The following PDE1B variants were observed in gnomAD, a reference collection of about 807,000 sequenced individuals.
The protein encoded by PDE1B is dual specificity calcium/calmodulin-dependent 3',5'-cyclic nucleotide phosphodiesterase 1B.
In PDE1B, 13 loss-of-function variants were observed where a neutral mutation model predicts 66.7. The ratio of observed to expected loss-of-function variants is 0.19; its 90% CI spans 0.13 to 0.31. The LOEUF (loss-of-function observed/expected upper bound fraction) is 0.31. PDE1B is among the 10% of genes least tolerant of loss of function. The pLI is 1.00. For missense variants in PDE1B, 485 were observed against 682.3 expected (o/e 0.71, Z 3.22); for synonymous variants, 230 against 253.9 (o/e 0.91, Z 0.90).
chr12:54,574,340 A>G (rs1957688118), intron 10 of PDE1B: 1 of 153,890 alleles, frequency 6.5e-6, no homozygotes, highest in South Asian at 2.0e-4. Context: ...GGGTATAATA[A>G]TAATTATTAC....
chr12:54,575,587 C>T lies in PDE1B; in HGVS notation c.1222C>T (p.Pro408Ser). The change falls in exon 12 of 16, where the codon CCA becomes TCA. Residue 408 changes from proline to serine, a missense_variant. This residue lies in a region of PDE1B where 282 missense variants were observed against 453.4 expected (regional missense o/e 0.62). Coordinates refer to ENST00000243052, the MANE Select transcript of PDE1B (RefSeq NM_000924.4). This position sits in a 1 kb window ranked among gnomAD's most constrained non-coding sequence, Gnocchi z 4.0. ...KEAELGLPFS[P>S]LCDRTSTLVA... ...GGCAGAGTTGGGCCTGCCCTTTTCT[C>T]CACTCTGTGACCGCACTTCCACTCT... The T allele has an allele frequency of 6.2e-7, 1 of 1,613,510 alleles. No individual in the cohort carries two copies. The highest frequency in any genetic ancestry group is 1.3e-5 in the African/African-American group (1 of 74,970).
intron 2 of PDE1B, 175 bp downstream of exon 2, chr12:54,550,160 G>C: frequency 7.0e-7 from 1 of 1,426,236 alleles, no homozygotes; most frequent in Non-Finnish European, 9.2e-7. Flanking sequence ...TGCAAGGCAT[G>C]TGCGGAGCAA....
At chr12:54,559,810 G>C (rs989198409) in intron 2 of PDE1B, among the ~76,000 whole-genome samples, 1 of 152,164 alleles carries the variant, frequency 6.6e-6, no homozygotes, top group Non-Finnish European at 1.5e-5. Context: ...GGTACAAGAC[G>C]AGGCAGGGAA....
In PDE1B at chr12:54,549,752, G is replaced by T. The variant is rs937195201; in HGVS notation, c.-34G>T. The T allele has an allele frequency of 1.7e-5, 12 of 723,790 alleles. No individual in the cohort carries two copies. Among genetic ancestry groups the T allele is most frequent in the South Asian group, 1.4e-4 (8 of 58,854 alleles). 44.8% of individuals were successfully genotyped at this position (723,790 alleles called of 1,614,324 possible). On this transcript the variant is annotated 5_prime_UTR_variant, in exon 1 of 16. Transcript: ENST00000243052. ...GGCCGAGCCTAGAGACACCGGCCTG[G>T]CTGGTCCACGCCAGCCGCAGGTGGG...
At chr12:54,560,438 C>T (rs1565694011) in intron 2 of PDE1B, among the ~76,000 whole-genome samples, 2 of 152,180 alleles carry the variant, frequency 1.3e-5, no homozygotes, top group Non-Finnish European at 2.9e-5. Flanking sequence ...AGCCATAGAC[C>T]TACATCTAAG....
At chr12:54,558,983 C>G (rs2121053736) in intron 2 of PDE1B, among the ~76,000 whole-genome samples, 1 of 152,300 alleles carries the variant, frequency 6.6e-6, no homozygotes, top group Admixed American at 6.5e-5. Flanking sequence ...GACCAGGAAA[C>G]TGAAGCTCAG....
At chr12:54,561,761 CGTGTGTGT>C (rs3036634) in intron 2 of PDE1B, 60 of 440,240 alleles carry the variant, frequency 1.4e-4, no homozygotes, top group Non-Finnish European at 1.9e-4. Context: ...ATGTTTTGTG[CGTGTGTGT>C]GTGTGTGTGT....
At position 54,569,632 on chromosome 12, in the gene PDE1B, G is replaced by A. The variant is rs773972222; in HGVS notation, c.477+20G>A. On this transcript the variant is annotated intron_variant, in intron 5 of 15. Coordinates refer to ENST00000243052, the MANE Select transcript of PDE1B (RefSeq NM_000924.4). This position sits in a 1 kb window ranked among gnomAD's most constrained non-coding sequence, Gnocchi z 4.4. ...CTCAAGGTAATCTCTGGGTTTTTGGGAAAGAGGAGAAAGTTAGGGGATGGA... is the reference window on the plus strand; with the variant it reads ...CTCAAGGTAATCTCTGGGTTTTTGGAAAAGAGGAGAAAGTTAGGGGATGGA... 2 of 1,563,004 alleles carry A rather than the reference G, an allele frequency of 1.3e-6. No homozygotes were observed. The highest frequency in any genetic ancestry group is 1.7e-5 in the Admixed American group (1 of 59,924).
intron 2 of PDE1B, among the ~76,000 whole-genome samples, chr12:54,558,958 T>C (rs10876566): frequency 0.62 from 94,154 of 152,046 alleles, 30,262 homozygotes; most frequent in Non-Finnish European, 0.71. Context: ...GCATGTATTA[T>C]TTACCCATTT....
At chr12:54,570,496 C>T (rs1306053963) in intron 6 of PDE1B, 139 bp downstream of exon 6, 1 of 649,018 alleles carries the variant, frequency 1.5e-6, no homozygotes, top group Non-Finnish European at 2.8e-6. Flanking sequence ...ATGCCCACGC[C>T]CAGCCTAGCC....
rs547073325 is a variant in PDE1B at position 54,568,148 on chromosome 12, C to T, written c.228-1036C>T. ...TGGGGATTACAGGCGTGAGCTACCGCGCCCAGCCGATATCTCATTAATATA... is the reference window on the plus strand; with the variant it reads ...TGGGGATTACAGGCGTGAGCTACCGTGCCCAGCCGATATCTCATTAATATA... On this transcript the variant is annotated intron_variant, in intron 3 of 15. Transcript: ENST00000243052. Among the ~76,000 whole-genome samples the T allele has an allele frequency of 4.6e-5, 7 of 152,246 alleles. No homozygotes were observed. In the East Asian group the frequency reaches 7.7e-4, roughly 17 times the overall value.
intron 2 of PDE1B, among the ~76,000 whole-genome samples, chr12:54,559,719 C>G (rs1174930245): frequency 2.6e-5 from 4 of 152,166 alleles, no homozygotes; most frequent in Non-Finnish European, 5.9e-5. Flanking sequence ...CGAGGCTTTT[C>G]TAGTCTAAGA....
In PDE1B at chr12:54,569,100, T is replaced by C; in HGVS notation, c.228-84T>C. 3 of 1,490,322 alleles carry C rather than the reference T, an allele frequency of 2.0e-6. No individual in the cohort carries two copies. Among genetic ancestry groups the C allele is most frequent in the African/African-American group, 1.4e-5 (1 of 71,134 alleles). 92.3% of individuals were successfully genotyped at this position (1,490,322 alleles called of 1,614,324 possible). ...GAGAGCTGGCATGAGAGTTACTAAA[T>C]GTGGGGTATGGCTGGGTACAGGGTC... On this transcript the variant is annotated intron_variant, in intron 3 of 15. Transcript: ENST00000243052. This position sits in a 1 kb window ranked among gnomAD's most constrained non-coding sequence, Gnocchi z 4.4.
chr12:54,568,988 C>G (rs892898027), intron 3 of PDE1B, 196 bp from the exon 4 acceptor site: 1 of 900,596 alleles, frequency 1.1e-6, no homozygotes, highest in Non-Finnish European at 1.6e-6. Flanking sequence ...TGCTCACTAC[C>G]TCACATGGAG....
rs1189712713 is a variant in PDE1B at position 54,569,949 on chromosome 12, C to A, written c.478-292C>A. Among the ~76,000 whole-genome samples, 2 of 152,170 alleles carry A rather than the reference C, an allele frequency of 1.3e-5. No individual in the cohort carries two copies. The highest frequency in any genetic ancestry group is 3.8e-4 in the East Asian group (2 of 5,198). ...TCTTGACCTCAAGTGTTCTGCCCACCTCGGTCTCCCAAAGTATTGGGATTA... is the reference window on the plus strand; with the variant it reads ...TCTTGACCTCAAGTGTTCTGCCCACATCGGTCTCCCAAAGTATTGGGATTA... On this transcript the variant is annotated intron_variant, in intron 5 of 15. Coordinates refer to ENST00000243052, the MANE Select transcript of PDE1B (RefSeq NM_000924.4). This position sits in a 1 kb window ranked among gnomAD's most constrained non-coding sequence, Gnocchi z 4.4.
At chr12:54,556,836 C>T (rs540340875) in intron 2 of PDE1B, among the ~76,000 whole-genome samples, 5 of 125,062 alleles carry the variant, frequency 4.0e-5, no homozygotes, top group Non-Finnish European at 6.3e-5. Flanking sequence ...GTGTTGGCAC[C>T]ATTTAGGTTG....
At chr12:54,555,760 C>T (rs1957334414) in intron 2 of PDE1B, among the ~76,000 whole-genome samples, 1 of 152,184 alleles carries the variant, frequency 6.6e-6, no homozygotes, top group Admixed American at 6.5e-5. Flanking sequence ...ATTCTTCCAT[C>T]TTCTCCTTTG....
Position 54,570,373 on chromosome 12 carries a change from A to G in PDE1B, c.594+16A>G. On this transcript the variant is annotated intron_variant, in intron 6 of 15. Transcript: ENST00000243052. ...CCGCTTCAAGGTTGGGCAGCATCCT[A>G]CCTCTACCTCCAGGCAGGATTCTCC... 7.1e-7 allele frequency: 1 copy of G among 1,399,286 alleles called. No homozygotes were observed. Among genetic ancestry groups the G allele is most frequent in the Non-Finnish European group, 1.0e-6 (1 of 984,050 alleles). The allele number at this position is 1,399,286 out of a possible 1,614,324, so 86.7% of individuals were successfully genotyped here. A position where few individuals can be genotyped will look rare whatever the true frequency, so the allele number is the denominator to read the frequency against.
chr12:54,568,341 A>T (rs949223469), intron 3 of PDE1B, among the ~76,000 whole-genome samples: 1 of 151,860 alleles, frequency 6.6e-6, no homozygotes, highest in African/African-American at 2.4e-5. Flanking sequence ...GTGCATCTGT[A>T]GTCCCAGCTA....
Sources: allele counts gnomAD v4.1 joint callset (sites outside exome capture counted in the v4.1 genomes callset), GRCh38; gene constraint gnomAD v4.1.1; regional missense constraint gnomAD v4.1.1; non-coding constraint Gnocchi (gnomAD v3.1); transcripts MANE v1.5; gene names NCBI Gene and HGNC (gene_info 2026-07-23, HGNC 2026-07-21).